The following DPP4 variants were observed in gnomAD, a reference collection of about 807,000 sequenced individuals.
DPP4 encodes the protein dipeptidyl peptidase 4.
In DPP4, 93 loss-of-function variants were observed where a neutral mutation model predicts 122.4. That is an observed-to-expected ratio of 0.76 (90% CI 0.64 to 0.90). The LOEUF (loss-of-function observed/expected upper bound fraction) is 0.90, where lower values mean the gene tolerates loss of function less well. DPP4 is among the 40% of genes least tolerant of loss of function. The probability of loss-of-function intolerance (pLI) is 0.00; values close to 1 mark genes in which losing one functional copy is unlikely to be tolerated. For synonymous variants in DPP4, 321 were observed against 302.9 expected (o/e 1.06, Z -0.62); for missense variants, 914 against 907.3 (o/e 1.01, Z -0.09).
At chr2:161,994,250 C>T (rs902612517) in intron 25 of DPP4, among the ~76,000 whole-genome samples, 1 of 152,252 alleles carries the variant, frequency 6.6e-6, no homozygotes, top group African/African-American at 2.4e-5. Context: ...AACTGTCCCA[C>T]TCCTGTGCAT....
chr2:161,998,451 C>T (rs1239185670), intron 23 of DPP4, among the ~76,000 whole-genome samples: 1 of 152,168 alleles, frequency 6.6e-6, no homozygotes, highest in Non-Finnish European at 1.5e-5. Context: ...AACTTTAACA[C>T]TCAGACCTGA....
chr2:162,020,318 CAAAA>C, intron 13 of DPP4, 22 bp from the exon 14 acceptor site: 24 of 949,964 alleles, frequency 2.5e-5, no homozygotes, highest in Non-Finnish European at 3.0e-5. Context: ...TTTTTTTTTT[CAAAA>C]AAAAAAAAAA....
At chr2:162,014,067 C>T (rs1419672767) in intron 19 of DPP4, among the ~76,000 whole-genome samples, 1 of 152,082 alleles carries the variant, frequency 6.6e-6, no homozygotes, top group Non-Finnish European at 1.5e-5. Context: ...CTGTTAATGC[C>T]CATCTCTTGC....
intron 2 of DPP4, among the ~76,000 whole-genome samples, chr2:162,064,627 G>A (rs1219061556): frequency 2.0e-5 from 3 of 152,200 alleles, no homozygotes; most frequent in Non-Finnish European, 4.4e-5. Flanking sequence ...GATGAAATGT[G>A]ACAGTTTATG....
rs767172656 is a variant in DPP4, at chr2:162,014,475, CAG to C, written c.1568-12_1568-11del. On this transcript the variant is annotated splice_polypyrimidine_tract_variant and intron_variant, in intron 18 of 25. Coordinates refer to ENST00000360534, the MANE Select transcript of DPP4 (RefSeq NM_001935.4). The stretch of plus-strand genomic sequence containing the variant: ...ATCTGATACCAAAATTCTAAACAAA[CAG>C]AAAGATTAATTAGTGAGGTAAGAAA... 6.3e-6 allele frequency: 10 copies of C among 1,596,276 alleles called. No individual in the cohort carries two copies. The East Asian group carries it at 6.7e-5, about 11-fold the overall frequency.
intron 11 of DPP4, among the ~76,000 whole-genome samples, chr2:162,023,086 G>T (rs1559712507): frequency 6.6e-6 from 1 of 152,138 alleles, no homozygotes; most frequent in Non-Finnish European, 1.5e-5. Context: ...CCACCAGCCT[G>T]TTCTACTCCC....
intron 23 of DPP4, among the ~76,000 whole-genome samples, chr2:161,999,312 T>C (rs1231348723): frequency 2.0e-5 from 3 of 152,182 alleles, no homozygotes; most frequent in Non-Finnish European, 4.4e-5. Flanking sequence ...AAAAAATTAA[T>C]TGTGCTATTT....
chr2:162,018,953 C>G (rs952986542), intron 15 of DPP4, 103 bp from the exon 16 acceptor site: 15 of 1,448,038 alleles, frequency 1.0e-5, no homozygotes, highest in Non-Finnish European at 1.3e-5. Context: ...AGCATGCCAA[C>G]GCAATCTTTA....
rs1240517896 is a variant in DPP4, at chr2:162,046,674, T to C, written c.285+241A>G. 5.2e-6 allele frequency: 3 copies of C among 578,206 alleles called. No individual in the cohort carries two copies. The African/African-American group carries it at 5.5e-5, about 11-fold the overall frequency. 35.8% of individuals were successfully genotyped at this position (578,206 alleles called of 1,614,324 possible). A position where few individuals can be genotyped will look rare whatever the true frequency, so the allele number is the denominator to read the frequency against. On this transcript the variant is annotated intron_variant, in intron 4 of 25. Coordinates refer to ENST00000360534, the MANE Select transcript of DPP4 (RefSeq NM_001935.4). ...CATGCAAAGTGAAGAGGGAGGCAAATGAAGATGGAGCCCCAAGGAGCACTT... is the reference window on the plus strand; with the variant it reads ...CATGCAAAGTGAAGAGGGAGGCAAACGAAGATGGAGCCCCAAGGAGCACTT...
chr2:162,020,676 C>T lies in DPP4; in HGVS notation c.1081G>A (p.Glu361Lys). The change falls in exon 13 of 26, where the codon GAA becomes AAA. Residue 361 changes from glutamate (E) to lysine (K), a missense_variant. Transcript: ENST00000360534. The part of the protein sequence containing the change: ...TGWVGRFRPS[E>K]PHFTLDGNSF... Reference sequence around the variant, plus strand: ...TTACCATCAAGGGTAAAATGAGGTTCTGAAGGCCTAAACTAGAAAATAATA... The same window carrying T: ...TTACCATCAAGGGTAAAATGAGGTTTTGAAGGCCTAAACTAGAAAATAATA... 1.2e-6 allele frequency: 2 copies of T among 1,608,860 alleles called. No homozygotes were observed. Among genetic ancestry groups the T allele is most frequent in the Non-Finnish European group, 1.7e-6 (2 of 1,178,212 alleles).
chr2:162,072,148 G>A (rs1685139542), intron 2 of DPP4, among the ~76,000 whole-genome samples: 1 of 152,122 alleles, frequency 6.6e-6, no homozygotes, highest in African/African-American at 2.4e-5. Context: ...TTTAATCTTT[G>A]TATTTGCAGC....
intron 8 of DPP4, 80 bp from the exon 9 acceptor site, chr2:162,035,404 G>T: frequency 7.4e-7 from 1 of 1,350,838 alleles, no homozygotes; most frequent in Non-Finnish European, 1.0e-6. Context: ...GTTCTCATTA[G>T]CTTTAGTAAT....
intron 9 of DPP4, among the ~76,000 whole-genome samples, chr2:162,033,889 T>G (rs886187906): frequency 1.4e-5 from 2 of 142,462 alleles, no homozygotes; most frequent in African/African-American, 5.4e-5. Context: ...TATATATATA[T>G]ATATACACAC....
chr2:162,066,165 C>A (rs998239946), intron 2 of DPP4, among the ~76,000 whole-genome samples: 6 of 152,082 alleles, frequency 3.9e-5, no homozygotes, highest in African/African-American at 1.4e-4. Flanking sequence ...AGCCAGCTGT[C>A]CAAGGAGCCA....
intron 8 of DPP4, 42 bp downstream of exon 8, chr2:162,038,260 G>A (rs1266367703): frequency 6.7e-7 from 1 of 1,482,962 alleles, no homozygotes; most frequent in South Asian, 1.3e-5. Flanking sequence ...TATTTTAAAA[G>A]CTTATAGATT....
chr2:162,016,183 G>C (rs1183898122), intron 18 of DPP4, among the ~76,000 whole-genome samples: 1 of 152,050 alleles, frequency 6.6e-6, no homozygotes, highest in Non-Finnish European at 1.5e-5. Flanking sequence ...TAAGCTGTTA[G>C]CCCTTAGTGG....
chr2:162,027,823 C>T (rs145160138), intron 10 of DPP4, among the ~76,000 whole-genome samples: 10 of 152,176 alleles, frequency 6.6e-5, no homozygotes, highest in East Asian at 1.9e-4. Flanking sequence ...AGGAAACTCA[C>T]GTGCATCAGT....
intron 15 of DPP4, 102 bp downstream of exon 15, chr2:162,019,121 C>T: frequency 1.9e-6 from 2 of 1,061,690 alleles, no homozygotes; most frequent in East Asian, 2.4e-5. Context: ...AATAGCAATA[C>T]CAGTTTAATA....
chr2:162,069,472 C>G (rs190661315), intron 2 of DPP4, among the ~76,000 whole-genome samples: 1 of 152,274 alleles, frequency 6.6e-6, no homozygotes, highest in East Asian at 1.9e-4. Context: ...TTTTCTCTCT[C>G]TTTGTGATCC....
Sources: allele counts gnomAD v4.1 joint callset (sites outside exome capture counted in the v4.1 genomes callset), GRCh38; gene constraint gnomAD v4.1.1; transcripts MANE v1.5; gene names NCBI Gene and HGNC (gene_info 2026-07-23, HGNC 2026-07-21).